Variants in ATP6V1H observed in about 807,000 individuals in gnomAD.
The protein encoded by ATP6V1H is ATPase H+ transporting V1 subunit H, also known as V-type proton ATPase subunit H.
In ATP6V1H, 39 loss-of-function variants were observed where a neutral mutation model predicts 71.7. The ratio of observed to expected loss-of-function variants is 0.54; its 90% CI spans 0.42 to 0.71. The LOEUF (loss-of-function observed/expected upper bound fraction) is 0.71. ATP6V1H is among the 30% of genes least tolerant of loss of function. The probability of loss-of-function intolerance (pLI) is 0.00; values close to 1 mark genes in which losing one functional copy is unlikely to be tolerated. For missense variants in ATP6V1H, 509 were observed against 594.9 expected, an observed-to-expected ratio of 0.86 and a Z score of 1.50; for synonymous variants, 192 against 199.3, an observed-to-expected ratio of 0.96 and a Z score of 0.31.
chr8:53,809,780 G>C (rs1393823772), intron 7 of ATP6V1H, among the ~76,000 whole-genome samples: 1 of 152,104 alleles, frequency 6.6e-6, no homozygotes. Context: ...ATGAAATGAA[G>C]ACTCTCAATT....
At chr8:53,842,671 C>T (rs535082166) in intron 1 of ATP6V1H, 1 of 152,412 alleles carries the variant, frequency 6.6e-6, no homozygotes, top group African/African-American at 2.4e-5. Context: ...GAGGCTCAGC[C>T]TCAGCGGCCC....
intron 9 of ATP6V1H, among the ~76,000 whole-genome samples, chr8:53,786,801 C>A (rs149808052): frequency 2.6e-5 from 4 of 152,328 alleles, no homozygotes; most frequent in Non-Finnish European, 5.9e-5. Context: ...GTTGACATTT[C>A]TAAGAACAAG....
chr8:53,814,632 T>C, intron 6 of ATP6V1H, 30 bp downstream of exon 6: 1 of 1,230,668 alleles, frequency 8.1e-7, no homozygotes, highest in Non-Finnish European at 1.2e-6. Context: ...TATATTCCTT[T>C]CAAAGGTACT....
intron 4 of ATP6V1H, among the ~76,000 whole-genome samples, chr8:53,818,817 G>GA (rs1168722242): frequency 2.0e-5 from 3 of 151,958 alleles, no homozygotes; most frequent in Non-Finnish European, 2.9e-5. Flanking sequence ...ATTAAAAATA[G>GA]AAAAAAAATT....
At chr8:53,735,571 GC>G (rs950660461) in intron 13 of ATP6V1H, among the ~76,000 whole-genome samples, 1 of 152,076 alleles carries the variant, frequency 6.6e-6, no homozygotes, top group Non-Finnish European at 1.5e-5. Flanking sequence ...CTAGGTAGTT[GC>G]CCTATAAGAT....
chr8:53,806,586 T>TA (rs1483079996), intron 7 of ATP6V1H, among the ~76,000 whole-genome samples: 3 of 152,060 alleles, frequency 2.0e-5, no homozygotes, highest in East Asian at 1.9e-4. Context: ...TCAGCATAAC[T>TA]AAAAAAAAGT....
chr8:53,838,627 G>T (rs1811243951), intron 2 of ATP6V1H, among the ~76,000 whole-genome samples: 1 of 151,982 alleles, frequency 6.6e-6, no homozygotes, highest in South Asian at 2.1e-4. Flanking sequence ...CATGAGCAAG[G>T]ATGGCATTTT....
intron 2 of ATP6V1H, among the ~76,000 whole-genome samples, chr8:53,834,082 A>G (rs1301647502): frequency 6.6e-6 from 1 of 152,180 alleles, no homozygotes; most frequent in Non-Finnish European, 1.5e-5. Context: ...CAGACCTGCT[A>G]GCCCCCTGTA....
In ATP6V1H at chr8:53,743,130, T is replaced by C. The variant is rs965249608; in HGVS notation, c.1391+447A>G. On this transcript the variant is annotated intron_variant, in intron 13 of 13. Transcript: ENST00000359530. Reference sequence around the variant, plus strand: ...CTTTAGTTACTTCAAAAGCAAAAACTATAGTGAATGAAATGTGAGAGCTGA... The same window carrying C: ...CTTTAGTTACTTCAAAAGCAAAAACCATAGTGAATGAAATGTGAGAGCTGA... Among the ~76,000 whole-genome samples the C allele has an allele frequency of 2.0e-5, 3 of 152,306 alleles. No individual in the cohort carries two copies. The South Asian group carries it at 6.2e-4, about 32-fold the overall frequency.
intron 7 of ATP6V1H, among the ~76,000 whole-genome samples, chr8:53,807,839 A>G (rs1419183248): frequency 6.6e-6 from 1 of 152,262 alleles, no homozygotes; most frequent in Non-Finnish European, 1.5e-5. Flanking sequence ...TTAAAACTAA[A>G]TAAAATTGAA....
intron 12 of ATP6V1H, among the ~76,000 whole-genome samples, chr8:53,756,075 T>C (rs1391713367): frequency 2.3e-5 from 3 of 133,216 alleles, no homozygotes; most frequent in Admixed American, 7.5e-5. Flanking sequence ...TTTTCTTTTT[T>C]TTTTTTTTTT....
chr8:53,768,555 T>C (rs1213820544), intron 11 of ATP6V1H, among the ~76,000 whole-genome samples: 2 of 151,694 alleles, frequency 1.3e-5, no homozygotes, highest in East Asian at 3.9e-4. Context: ...AACTGATGAG[T>C]GAATAAATAA....
intron 13 of ATP6V1H, among the ~76,000 whole-genome samples, chr8:53,739,922 C>T (rs1442558777): frequency 3.9e-5 from 6 of 152,176 alleles, no homozygotes; most frequent in Non-Finnish European, 5.9e-5. Context: ...CAACTCTATT[C>T]CTCCTCCACC....
chr8:53,752,588 G>A (rs894301726), intron 12 of ATP6V1H, among the ~76,000 whole-genome samples: 1 of 152,004 alleles, frequency 6.6e-6, no homozygotes, highest in South Asian at 2.1e-4. Flanking sequence ...GTCTTGCTCT[G>A]TTGCCAGGCT....
chr8:53,778,896 G>C (rs1010041809), intron 9 of ATP6V1H, among the ~76,000 whole-genome samples: 2 of 152,146 alleles, frequency 1.3e-5, no homozygotes, highest in Admixed American at 1.3e-4. Context: ...AACCATAAGC[G>C]TAAGAATGCT....
intron 12 of ATP6V1H, among the ~76,000 whole-genome samples, chr8:53,750,097 G>C (rs1198776186): frequency 2.6e-5 from 4 of 152,168 alleles, no homozygotes; most frequent in Admixed American, 2.6e-4. Flanking sequence ...TCCATTAAAA[G>C]AACTCAACTG....
intron 9 of ATP6V1H, among the ~76,000 whole-genome samples, chr8:53,795,022 A>C (rs1809684792): frequency 6.6e-6 from 1 of 152,148 alleles, no homozygotes; most frequent in African/African-American, 2.4e-5. Flanking sequence ...AAAGTGACCA[A>C]CAAAATTATC....
chr8:53,792,215 C>A (rs80235048), intron 9 of ATP6V1H, among the ~76,000 whole-genome samples: 5 of 152,128 alleles, frequency 3.3e-5, no homozygotes, highest in African/African-American at 1.2e-4. Context: ...AAGGAGGCTC[C>A]GCATTTGCCT....
chr8:53,789,338 C>T (rs1222313211), intron 9 of ATP6V1H, among the ~76,000 whole-genome samples: 2 of 152,112 alleles, frequency 1.3e-5, no homozygotes, highest in Non-Finnish European at 1.5e-5. Context: ...ATTAAAGCAG[C>T]TTTTGCTGGG....
Sources: gnomAD v4.1 joint callset for allele counts (sites outside exome capture counted in the v4.1 genomes callset) on GRCh38, gnomAD v4.1.1 for gene constraint, MANE v1.5 for transcripts, NCBI Gene and HGNC (gene_info 2026-07-23, HGNC 2026-07-21) for gene names.